NIBAN3: variants seen among roughly 807,000 people sequenced by gnomAD.
NIBAN3 encodes protein Niban 3.
In NIBAN3, 66 loss-of-function variants were observed where a neutral mutation model predicts 76.4. The observed-to-expected ratio is 0.86, with a 90% CI of 0.71 to 1.06. The LOEUF is 1.06. NIBAN3 is among the 50% of genes least tolerant of loss of function. The pLI is 0.00. For synonymous variants in NIBAN3, 360 were observed against 355.2 expected, an observed-to-expected ratio of 1.01 and a Z score of -0.15; for missense variants, 808 against 810.7, an observed-to-expected ratio of 1.00 and a Z score of 0.04.
rs2076182443 is a variant in NIBAN3, at chr19:17,553,223, T to C, written c.*1325T>C. ...TATTGATATCTAATAACTCTTTATA[T>C]CTGAAGGATATGAACGCTTTGTGAT... is the stretch of plus-strand genomic sequence containing the variant. On this transcript the variant is annotated 3_prime_UTR_variant, in exon 15 of 15. Coordinates refer to ENST00000599164, the MANE Select transcript of NIBAN3 (RefSeq NM_001321827.2). The C allele has an allele frequency of 6.5e-7, 1 of 1,535,204 alleles. No homozygotes were observed. Among genetic ancestry groups the C allele is most frequent in the African/African-American group, 1.4e-5 (1 of 72,024 alleles).
intron 5 of NIBAN3, among the ~76,000 whole-genome samples, chr19:17,538,838 GAC>G (rs1208253088): frequency 4.6e-5 from 7 of 152,196 alleles, no homozygotes; most frequent in Admixed American, 6.5e-5. Context: ...CAGCAGGACT[GAC>G]ACACACAGTT....
chr19:17,533,648 C>A lies in NIBAN3; in HGVS notation c.374C>A (p.Thr125Asn), dbSNP rs1391702993. 6.2e-7 allele frequency: 1 copy of A among 1,614,140 alleles called. No individual in the cohort carries two copies. Among genetic ancestry groups the A allele is most frequent in the African/African-American group, 1.3e-5 (1 of 75,044 alleles). Residue 125 changes from threonine (T) to asparagine (N), a missense_variant, in exon 4 of 15, where the codon ACT becomes AAT. By Grantham distance (65) the Thr-to-Asn change is moderately conservative (BLOSUM62 0). Coordinates refer to ENST00000599164, the MANE Select transcript of NIBAN3 (RefSeq NM_001321827.2). ...GCCCTGACAGGATACACGCTCCTGA[C>A]TTCCCAGCGAGAATATCTCCGCCTT... is the stretch of plus-strand genomic sequence containing the variant. ...STALTGYTLL[T>N]SQREYLRLLD... is the part of the protein sequence containing the mutation.
At chr19:17,537,743 C>T (rs762798713) in intron 5 of NIBAN3, among the ~76,000 whole-genome samples, 200 bp downstream of exon 5, 2 of 151,614 alleles carry the variant, frequency 1.3e-5, no homozygotes, top group Non-Finnish European at 2.9e-5. Context: ...GTCAGGAGTT[C>T]GAGACCAGCC....
chr19:17,530,423 C>A (rs865838384), intron 1 of NIBAN3, among the ~76,000 whole-genome samples: 8 of 150,680 alleles, frequency 5.3e-5, no homozygotes, highest in Middle Eastern at 3.4e-3. Context: ...GTCCCAGCTA[C>A]TCGAGAGGCT....
intron 7 of NIBAN3, 38 bp from the exon 8 acceptor site, chr19:17,539,565 G>T: frequency 7.4e-6 from 11 of 1,487,904 alleles, no homozygotes; most frequent in Non-Finnish European, 9.9e-6. Context: ...TCCCCGCCCC[G>T]TGTCTCGGCT....
At chr19:17,550,320 G>C (rs967015897) in intron 14 of NIBAN3, among the ~76,000 whole-genome samples, 1 of 152,100 alleles carries the variant, frequency 6.6e-6, no homozygotes, top group African/African-American at 2.4e-5. Flanking sequence ...ATCTGGGACA[G>C]AGAAACTGAT....
intron 2 of NIBAN3, 30 bp from the exon 3 acceptor site, chr19:17,532,233 C>A: frequency 6.3e-7 from 1 of 1,588,002 alleles, no homozygotes; most frequent in Non-Finnish European, 8.6e-7. Context: ...CCCACAGCCC[C>A]CTGACACCCA....
At chr19:17,530,393 C>T (rs907752835) in intron 1 of NIBAN3, among the ~76,000 whole-genome samples, 1 of 151,070 alleles carries the variant, frequency 6.6e-6, no homozygotes, top group Admixed American at 6.6e-5. Context: ...ATTAGCCCAG[C>T]ATGATGGCGT....
intron 1 of NIBAN3, 148 bp downstream of exon 1, chr19:17,527,543 G>A (rs929836504): frequency 8.0e-6 from 7 of 877,068 alleles, no homozygotes; most frequent in East Asian, 3.0e-5. Context: ...TAAATTTCAC[G>A]CAGTGAATCT....
intron 1 of NIBAN3, among the ~76,000 whole-genome samples, chr19:17,530,194 C>G (rs759098427): frequency 5.9e-5 from 9 of 151,644 alleles, no homozygotes; most frequent in Non-Finnish European, 1.3e-4. Context: ...AGCCTGTAGT[C>G]TCTGTAGTCC....
chr19:17,553,635 A>G lies in NIBAN3; in HGVS notation c.*1737A>G. ...AAATACATTTGCTCAATACATTTGC[A>G]CTTCATAGGCTTCTTTAGCTGTCTT... On this transcript the variant is annotated 3_prime_UTR_variant, in exon 15 of 15. Coordinates refer to ENST00000599164, the MANE Select transcript of NIBAN3 (RefSeq NM_001321827.2). The G allele has an allele frequency of 1.5e-6, 2 of 1,317,414 alleles. No individual in the cohort carries two copies. Among genetic ancestry groups the G allele is most frequent in the Non-Finnish European group, 2.2e-6 (2 of 917,366 alleles). The allele number at this position is 1,317,414 out of a possible 1,614,324, so 81.6% of individuals were successfully genotyped here.
Position 17,542,546 on chromosome 19 carries a change from T to C in NIBAN3, c.1329+252T>C, listed in dbSNP as rs2075974232. Among the ~76,000 whole-genome samples, 1 of 152,176 alleles carries C rather than the reference T, an allele frequency of 6.6e-6. No individual in the cohort carries two copies. Among genetic ancestry groups the C allele is most frequent in the African/African-American group, 2.4e-5 (1 of 41,450 alleles). Reference sequence around the variant, plus strand: ...GACAGGACTTTCAGGAGGAGGGGACTTCCAACATGGGAGAGCAATGGGAGG... The same window carrying C: ...GACAGGACTTTCAGGAGGAGGGGACCTCCAACATGGGAGAGCAATGGGAGG... On this transcript the variant is annotated intron_variant, in intron 10 of 14. Coordinates refer to ENST00000599164, the MANE Select transcript of NIBAN3 (RefSeq NM_001321827.2). This position sits in a 1 kb window ranked among gnomAD's most constrained non-coding sequence, Gnocchi z 4.8.
At chr19:17,525,043 C>T (rs928005604), upstream of NIBAN3, among the ~76,000 whole-genome samples, 7 of 152,162 alleles carry the variant, frequency 4.6e-5, no homozygotes, top group East Asian at 1.9e-4. Context: ...TTGAGGGACA[C>T]GTGTTCTCTA....
rs1353194956 is a variant in NIBAN3, at chr19:17,539,480, G to A, written c.816+29G>A. ...TGCACGGCGTCCGGATCCGGGATAG[G>A]GGGCGGGATGCGGGCGTTCGGGTTC... On this transcript the variant is annotated intron_variant, in intron 7 of 14. Coordinates refer to ENST00000599164, the MANE Select transcript of NIBAN3 (RefSeq NM_001321827.2). 10 of 1,459,378 alleles carry A rather than the reference G, an allele frequency of 6.9e-6. No individual in the cohort carries two copies. The Admixed American group carries it at 2.6e-4, about 38-fold the overall frequency. 90.4% of individuals were successfully genotyped at this position (1,459,378 alleles called of 1,614,324 possible).
chr19:17,523,702 T>G (rs565041875), upstream of NIBAN3, among the ~76,000 whole-genome samples: 8 of 152,228 alleles, frequency 5.3e-5, no homozygotes, highest in Admixed American at 5.2e-4. Context: ...CCCACAAGGC[T>G]CCACGTGGCC....
intron 12 of NIBAN3, chr19:17,545,798 C>T (rs2076043203): frequency 4.2e-6 from 1 of 237,408 alleles, no homozygotes; most frequent in Admixed American, 4.5e-5. Context: ...AGGAGCGAGA[C>T]CACTGAAGCA....
chr19:17,552,014 G>C lies in NIBAN3; in HGVS notation c.*116G>C, dbSNP rs1479599978. 4 of 551,872 alleles carry C rather than the reference G, an allele frequency of 7.2e-6. No homozygotes were observed. In the East Asian group the frequency reaches 1.2e-4, roughly 16 times the overall value. The allele number at this position is 551,872 out of a possible 1,614,324, so 34.2% of individuals were successfully genotyped here. ...GTAACCCCTGCAACTTCAGAAAACTGTACCATTTTATACTCCAAGCAGCAG... is the reference window on the plus strand; with the variant it reads ...GTAACCCCTGCAACTTCAGAAAACTCTACCATTTTATACTCCAAGCAGCAG... On this transcript the variant is annotated 3_prime_UTR_variant, in exon 15 of 15. Transcript: ENST00000599164.
chr19:17,537,855 A>G (rs910365736), intron 5 of NIBAN3, among the ~76,000 whole-genome samples: 1 of 152,110 alleles, frequency 6.6e-6, no homozygotes, highest in African/African-American at 2.4e-5. Context: ...CTGAGGCAGG[A>G]GAATCACTTG....
chr19:17,555,115 CTA>C (rs2076201637), downstream of NIBAN3, among the ~76,000 whole-genome samples: 1 of 152,134 alleles, frequency 6.6e-6, no homozygotes, highest in Admixed American at 6.6e-5. Flanking sequence ...TATAGGGTCT[CTA>C]TGATCTCATT....
Sources: allele counts gnomAD v4.1 joint callset (sites outside exome capture counted in the v4.1 genomes callset), GRCh38; gene constraint gnomAD v4.1.1; non-coding constraint Gnocchi (gnomAD v3.1); transcripts MANE v1.5; gene names NCBI Gene and HGNC (gene_info 2026-07-23, HGNC 2026-07-21).